ZNF254: variants seen among roughly 807,000 people sequenced by gnomAD.
ZNF254 encodes CTD-2017D11.1.
In ZNF254, 10 loss-of-function variants were observed where a neutral mutation model predicts 12.4. That is an observed-to-expected ratio of 0.80 (90% CI 0.50 to 1.36). The LOEUF is 1.36. ZNF254 is among the 40% of genes most tolerant of loss of function. ZNF254 has a pLI of 0.00. For missense variants in ZNF254, 996 were observed against 763.9 expected, an observed-to-expected ratio of 1.30 and a Z score of -3.58; for synonymous variants, 305 against 253.4, an observed-to-expected ratio of 1.20 and a Z score of -1.93.
chr19:24,121,021 G>C (rs1186246491), intron 3 of ZNF254, among the ~76,000 whole-genome samples: 2 of 151,212 alleles, frequency 1.3e-5, no homozygotes, highest in Non-Finnish European at 3.0e-5. Context: ...TTACAGGCAT[G>C]AGCCACAGTG....
intron 1 of ZNF254, among the ~76,000 whole-genome samples, chr19:24,044,230 C>A (rs1260522478): frequency 4.0e-5 from 5 of 125,744 alleles, no homozygotes; most frequent in Admixed American, 8.5e-5. Context: ...CAGAGCAAGA[C>A]TCCGTTTAAA....
At chr19:24,068,305 CTTT>C in intron 2 of ZNF254, among the ~76,000 whole-genome samples, 1 of 143,568 alleles carries the variant, frequency 7.0e-6, no homozygotes, top group African/African-American at 2.5e-5. Context: ...CCTATCTAGC[CTTT>C]TTTTTTTTTT....
intron 2 of ZNF254, among the ~76,000 whole-genome samples, chr19:24,073,207 C>G (rs1030089318): frequency 6.6e-6 from 1 of 152,206 alleles, no homozygotes; most frequent in African/African-American, 2.4e-5. Context: ...GACCCATGGA[C>G]AGTGCCCACT....
intron 3 of ZNF254, among the ~76,000 whole-genome samples, chr19:24,116,288 T>A (rs1224254484): frequency 1.3e-5 from 2 of 152,194 alleles, no homozygotes; most frequent in African/African-American, 4.8e-5. Flanking sequence ...TCCTGCAGAG[T>A]GTTTTCCAAC....
Position 24,126,712 on chromosome 19 carries a change from T to C in ZNF254, c.712T>C (p.Tyr238His). The stretch of plus-strand genomic sequence containing the variant: ...GAAAATTTATACTGAAGAGAAACCT[T>C]ACAAATGTGAAGAATATAACAAATC... ...HRKIYTEEKP[Y>H]KCEEYNKSPK... The change falls in exon 4 of 4, where the codon TAC becomes CAC. Residue 238 changes from tyrosine to histidine, a missense_variant. Tyr to His is a moderately conservative substitution (Grantham distance 83, BLOSUM62 2). Coordinates refer to ENST00000357002, the MANE Select transcript of ZNF254 (RefSeq NM_203282.4). 1 of 1,613,494 alleles carries C rather than the reference T, an allele frequency of 6.2e-7. No homozygotes were observed. Among genetic ancestry groups the C allele is most frequent in the Non-Finnish European group, 8.5e-7 (1 of 1,179,746 alleles).
At chr19:24,077,909 A>G (rs751653319) in intron 2 of ZNF254, among the ~76,000 whole-genome samples, 6 of 152,158 alleles carry the variant, frequency 3.9e-5, no homozygotes, top group South Asian at 4.1e-4. Context: ...TTAATAGTAC[A>G]TGTGTCCTCA....
intron 2 of ZNF254, among the ~76,000 whole-genome samples, chr19:24,052,955 A>T (rs1241140470): frequency 6.6e-6 from 1 of 152,170 alleles, no homozygotes; most frequent in African/African-American, 2.4e-5. Flanking sequence ...TCTGTCACAT[A>T]CTGTGTAAAG....
Position 24,128,055 on chromosome 19 carries a change from A to C in ZNF254, c.*75A>C. On this transcript the variant is annotated 3_prime_UTR_variant, in exon 4 of 4. Coordinates refer to ENST00000357002, the MANE Select transcript of ZNF254 (RefSeq NM_203282.4). ...TTATTCCTACTGGAGAGAAACTACA[A>C]ACCTGAGAGAGGCGCTAATGCTTTT... The C allele has an allele frequency of 7.1e-7, 1 of 1,402,910 alleles. No homozygotes were observed. Among genetic ancestry groups the C allele is most frequent in the Non-Finnish European group, 9.4e-7 (1 of 1,067,498 alleles). The allele number at this position is 1,402,910 out of a possible 1,614,324, so 86.9% of individuals were successfully genotyped here. A position where few individuals can be genotyped will look rare whatever the true frequency, so the allele number is the denominator to read the frequency against.
chr19:24,108,688 G>A (rs373876333), intron 3 of ZNF254, among the ~76,000 whole-genome samples: 2 of 152,098 alleles, frequency 1.3e-5, no homozygotes, highest in East Asian at 3.9e-4. Context: ...CAGAGGATAA[G>A]CAAATAAGGC....
At chr19:24,063,252 A>G (rs1971142984) in intron 2 of ZNF254, among the ~76,000 whole-genome samples, 3 of 152,210 alleles carry the variant, frequency 2.0e-5, no homozygotes, top group Non-Finnish European at 2.9e-5. Flanking sequence ...ATGTCATCAC[A>G]AGACCTTTCT....
At chr19:24,049,214 A>ATATATTTTTTTTTTTTTTTTTTTT (rs1160333151) in intron 2 of ZNF254, among the ~76,000 whole-genome samples, 1 of 40,894 alleles carries the variant, frequency 2.4e-5, no homozygotes, top group Non-Finnish European at 4.1e-5. Flanking sequence ...ATATATATAT[A>ATATATTTTTTTTTTTTTTTTTTTT]TTTTTTTTTT....
intron 2 of ZNF254, among the ~76,000 whole-genome samples, chr19:24,052,259 A>T (rs1257606100): frequency 6.6e-6 from 1 of 152,218 alleles, no homozygotes; most frequent in Non-Finnish European, 1.5e-5. Context: ...CACCTAGGTG[A>T]TACAACTTTA....
intron 1 of ZNF254, chr19:24,103,809 C>T (rs1438154002): frequency 6.6e-6 from 1 of 152,282 alleles, no homozygotes; most frequent in African/African-American, 2.4e-5. Flanking sequence ...ACTGCAACCT[C>T]TGCCTCCCGG....
At chr19:24,085,171 A>T (rs1599668943), upstream of ZNF254, among the ~76,000 whole-genome samples, 2 of 145,170 alleles carry the variant, frequency 1.4e-5, no homozygotes, top group East Asian at 4.2e-4. Flanking sequence ...TGACCTCGTG[A>T]TCCACCCACC....
intron 3 of ZNF254, among the ~76,000 whole-genome samples, chr19:24,125,954 G>C (rs1302536771): frequency 6.6e-6 from 1 of 152,200 alleles, no homozygotes; most frequent in East Asian, 1.9e-4. Flanking sequence ...GGTATAGTGG[G>C]AAACAGGAAA....
Position 24,127,348 on chromosome 19 carries a change from A to G in ZNF254, c.1348A>G (p.Thr450Ala). The G allele has an allele frequency of 2.5e-6, 4 of 1,613,730 alleles. No individual in the cohort carries two copies. The highest frequency in any genetic ancestry group is 3.4e-6 in the Non-Finnish European group (4 of 1,179,840). ...GKAFIWSSTLTKHKRIHTREK... is the reference protein window; with the variant it reads ...GKAFIWSSTLAKHKRIHTREK... ...AGCATTTATCTGGTCCTCAACCCTT[A>G]CTAAACATAAGAGAATTCATACTAG... Residue 450 changes from threonine to alanine, a missense_variant, in exon 4 of 4, where the codon ACT becomes GCT. Thr to Ala is a moderately conservative substitution (Grantham distance 58). Coordinates refer to ENST00000357002, the MANE Select transcript of ZNF254 (RefSeq NM_203282.4).
chr19:24,039,547 C>T (rs1970085094), intron 1 of ZNF254, among the ~76,000 whole-genome samples: 1 of 152,174 alleles, frequency 6.6e-6, no homozygotes, highest in African/African-American at 2.4e-5. Flanking sequence ...GCCTCAGCCT[C>T]CCAAGTAGCT....
At position 24,106,041 on chromosome 19, in the gene ZNF254, G is replaced by A. The variant is rs1165871765; in HGVS notation, c.132G>A (p.Glu44=). ...QQNLYRNVML[E]NYRNLAFLGI... ...ATTTATATAGAAATGTGATGTTAGA[G>A]AACTACAGAAACCTGGCCTTCCTGG... The change falls in exon 2 of 4, where the codon GAG becomes GAA. Residue 44 remains glutamate, a synonymous_variant. Transcript: ENST00000357002. The A allele has an allele frequency of 6.3e-7, 1 of 1,597,134 alleles. No individual in the cohort carries two copies. Among genetic ancestry groups the A allele is most frequent in the Non-Finnish European group, 8.5e-7 (1 of 1,170,086 alleles).
At chr19:24,067,801 T>A (rs915031694) in intron 2 of ZNF254, among the ~76,000 whole-genome samples, 1 of 151,946 alleles carries the variant, frequency 6.6e-6, no homozygotes, top group African/African-American at 2.4e-5. Context: ...CCTACAAATA[T>A]TTTGCATTGT....
Sources: gnomAD v4.1 joint callset for allele counts (sites outside exome capture counted in the v4.1 genomes callset) on GRCh38, gnomAD v4.1.1 for gene constraint, MANE v1.5 for transcripts, NCBI Gene and HGNC (gene_info 2026-07-23, HGNC 2026-07-21) for gene names.